ENPP1: variants seen among roughly 807,000 people sequenced by gnomAD.
The protein encoded by ENPP1 is ectonucleotide pyrophosphatase/phosphodiesterase 1.
A neutral mutation model predicts 122.8 loss-of-function variants in ENPP1; 73 were observed. That is an observed-to-expected ratio of 0.59 (90% CI 0.49 to 0.72). The LOEUF (loss-of-function observed/expected upper bound fraction) is 0.72, where lower values mean the gene tolerates loss of function less well. Ranked by LOEUF, ENPP1 falls within the 30% of genes least tolerant of loss-of-function variation. ENPP1 has a pLI of 0.00. For missense variants in ENPP1, 978 were observed against 1,128.1 expected (o/e 0.87, Z 1.91); for synonymous variants, 367 against 391.6 (o/e 0.94, Z 0.74).
intron 11 of ENPP1, among the ~76,000 whole-genome samples, 158 bp downstream of exon 11, chr6:131,865,096 CA>C (rs1231691252): frequency 6.6e-6 from 1 of 152,118 alleles, no homozygotes; most frequent in Non-Finnish European, 1.5e-5. Flanking sequence ...GCACTTTAAA[CA>C]AAATAAGAGT....
At chr6:131,809,754 C>G (rs572573356) in intron 1 of ENPP1, among the ~76,000 whole-genome samples, 78 of 152,264 alleles carry the variant, frequency 5.1e-4, no homozygotes, top group African/African-American at 1.5e-3. Flanking sequence ...ACAGGTTTTC[C>G]AATTGCAAAA....
intron 1 of ENPP1, among the ~76,000 whole-genome samples, chr6:131,816,177 C>T (rs992714340): frequency 2.0e-5 from 3 of 152,038 alleles, no homozygotes; most frequent in African/African-American, 7.3e-5. Context: ...AAATGTATTT[C>T]ATCTATATTG....
intron 22 of ENPP1, 142 bp downstream of exon 22, chr6:131,883,916 AG>A (rs957613682): frequency 3.4e-6 from 2 of 583,070 alleles, no homozygotes; most frequent in African/African-American, 3.8e-5. Context: ...TGAGAATACT[AG>A]TACACAAAAA....
chr6:131,841,125 T>C (rs566562276), intron 1 of ENPP1, among the ~76,000 whole-genome samples: 111 of 152,314 alleles, frequency 7.3e-4, no homozygotes, highest in African/African-American at 2.6e-3. Context: ...ACTTAGGAAC[T>C]TTTTTTAGAA....
At chr6:131,884,903 A>G in intron 22 of ENPP1, 28 bp from the exon 23 acceptor site, 1 of 1,613,652 alleles carries the variant, frequency 6.2e-7, no homozygotes, top group Non-Finnish European at 8.5e-7. Context: ...GTTCTTTTGA[A>G]ACTACACTGG....
intron 6 of ENPP1, among the ~76,000 whole-genome samples, chr6:131,856,592 A>T: frequency 7.0e-6 from 1 of 143,512 alleles, no homozygotes; most frequent in African/African-American, 2.9e-5. Flanking sequence ...GGCAATGCCT[A>T]GGTTTTCTTC....
At chr6:131,842,343 G>A (rs966208188) in intron 1 of ENPP1, among the ~76,000 whole-genome samples, 1 of 152,266 alleles carries the variant, frequency 6.6e-6, no homozygotes, top group East Asian at 1.9e-4. Flanking sequence ...GCACCATGGC[G>A]TATATATGGT....
chr6:131,865,066 A>G (rs924089172), intron 11 of ENPP1, 128 bp downstream of exon 11: 4 of 701,984 alleles, frequency 5.7e-6, no homozygotes, highest in Non-Finnish European at 7.8e-6. Context: ...ATTATACACA[A>G]TATTACTAAA....
intron 13 of ENPP1, among the ~76,000 whole-genome samples, chr6:131,871,351 A>G (rs950971146): frequency 6.6e-6 from 1 of 152,218 alleles, no homozygotes; most frequent in Non-Finnish European, 1.5e-5. Flanking sequence ...ATGTAAATCC[A>G]TGGGCATACT....
rs397886010 is a variant in ENPP1 at position 131,810,448 on chromosome 6, GC to G, written c.240+2183del. Among the ~76,000 whole-genome samples the G allele has an allele frequency of 4.8e-3, 254 of 52,738 alleles. 1 individual carries two copies. The highest frequency in any genetic ancestry group is 0.038 in the South Asian group (59 of 1,552). The allele number at this position is 52,738 out of a possible 152,430, so 34.6% of individuals were successfully genotyped here. ...TTCAATACCTTTTTCCCCCAACCCC[GC>G]CCCCCCCCCAAAAACTTCCCCAAAT... On this transcript the variant is annotated intron_variant, in intron 1 of 24. Coordinates refer to ENST00000647893, the MANE Select transcript of ENPP1 (RefSeq NM_006208.3).
chr6:131,814,258 G>A (rs545797555), intron 1 of ENPP1, among the ~76,000 whole-genome samples: 3 of 152,260 alleles, frequency 2.0e-5, no homozygotes, highest in East Asian at 1.9e-4. Flanking sequence ...ACCTACCTGG[G>A]CAACAGAGTG....
chr6:131,860,246 AT>A, intron 7 of ENPP1, 140 bp from the exon 8 acceptor site: 1 of 661,864 alleles, frequency 1.5e-6, no homozygotes, highest in Non-Finnish European at 2.6e-6. Flanking sequence ...CCATTACCTG[AT>A]TTTTTTGTTT....
intron 20 of ENPP1, among the ~76,000 whole-genome samples, chr6:131,881,679 C>T (rs796379616): frequency 7.9e-5 from 12 of 152,202 alleles, no homozygotes; most frequent in African/African-American, 2.2e-4. Context: ...GTCAGGAGTT[C>T]GAGACCATCC....
intron 7 of ENPP1, among the ~76,000 whole-genome samples, chr6:131,859,384 C>CTT (rs557550057): frequency 2.0e-4 from 29 of 145,498 alleles, no homozygotes; most frequent in Admixed American, 1.3e-3. Flanking sequence ...CAGAGGCTAC[C>CTT]TTTTTTTTTT....
intron 7 of ENPP1, among the ~76,000 whole-genome samples, chr6:131,859,512 A>T (rs1232071777): frequency 6.6e-6 from 1 of 151,846 alleles, no homozygotes; most frequent in Non-Finnish European, 1.5e-5. Context: ...CAGCCTCCCA[A>T]GTAGCTGGGA....
rs547964000 is a variant in ENPP1 at position 131,891,259 on chromosome 6, T to C, written c.*748T>C. On this transcript the variant is annotated 3_prime_UTR_variant, in exon 25 of 25. Coordinates refer to ENST00000647893, the MANE Select transcript of ENPP1 (RefSeq NM_006208.3). ...TGCTCACTGGTAATTAACATAGGTT[T>C]AAAATGGCTTCAAATGTGGCCCTAT... is the stretch of plus-strand genomic sequence containing the variant. The C allele has an allele frequency of 6.6e-6, 1 of 152,300 alleles. No homozygotes were observed. The highest frequency in any genetic ancestry group is 1.5e-5 in the Non-Finnish European group (1 of 68,088). 9.4% of individuals were successfully genotyped at this position (152,300 alleles called of 1,614,324 possible).
intron 1 of ENPP1, chr6:131,826,199 A>G (rs982555403): frequency 1.1e-5 from 10 of 908,050 alleles, no homozygotes; most frequent in East Asian, 2.4e-5. Flanking sequence ...CTTTTCCCCA[A>G]AGGTAAACAT....
At chr6:131,817,725 C>T (rs1255282795) in intron 1 of ENPP1, among the ~76,000 whole-genome samples, 1 of 144,420 alleles carries the variant, frequency 6.9e-6, no homozygotes, top group Non-Finnish European at 1.5e-5. Flanking sequence ...CTCAATCTCT[C>T]TCTGTCTCTC....
At chr6:131,853,763 A>T (rs1781909175) in intron 5 of ENPP1, among the ~76,000 whole-genome samples, 1 of 152,148 alleles carries the variant, frequency 6.6e-6, no homozygotes, top group Non-Finnish European at 1.5e-5. Context: ...TTTCAGTGGG[A>T]AGTCTAACAG....
Sources: allele counts gnomAD v4.1 joint callset (sites outside exome capture counted in the v4.1 genomes callset), GRCh38; gene constraint gnomAD v4.1.1; transcripts MANE v1.5; gene names NCBI Gene and HGNC (gene_info 2026-07-23, HGNC 2026-07-21).